CDH23: variants seen among roughly 807,000 people sequenced by gnomAD.
CDH23 encodes cadherin-23.
CDH23 carries 189 observed loss-of-function variants against 317.1 expected under a neutral mutation model. The observed-to-expected ratio is 0.60, with a 90% CI of 0.53 to 0.67. The LOEUF (loss-of-function observed/expected upper bound fraction) is 0.67. CDH23 is among the 30% of genes least tolerant of loss of function. The pLI is 0.00. For synonymous variants in CDH23, 1,839 were observed against 1,876.8 expected (o/e 0.98, Z 0.52); for missense variants, 4,401 against 4,592.4 (o/e 0.96, Z 1.20).
intron 7 of CDH23, among the ~76,000 whole-genome samples, chr10:71,570,096 T>G (rs1048112159): frequency 2.6e-5 from 4 of 152,068 alleles, no homozygotes; most frequent in Non-Finnish European, 5.9e-5. Context: ...GTTTAAATAT[T>G]GCTTGCCTGG....
At chr10:71,697,148 G>C (rs1016714777) in intron 22 of CDH23, among the ~76,000 whole-genome samples, 3 of 152,232 alleles carry the variant, frequency 2.0e-5, no homozygotes, top group Non-Finnish European at 4.4e-5. Flanking sequence ...CAAGGCGTGG[G>C]TGTGCCAGGT....
chr10:71,446,893 C>A (rs1022217033), intron 3 of CDH23, among the ~76,000 whole-genome samples: 3 of 152,224 alleles, frequency 2.0e-5, no homozygotes, highest in African/African-American at 4.8e-5. Flanking sequence ...CCTCCTACAT[C>A]TGTGGCCCCA....
chr10:71,463,747 C>A (rs74144988), intron 3 of CDH23, among the ~76,000 whole-genome samples: 3,335 of 152,310 alleles, frequency 0.022, 127 homozygotes, highest in African/African-American at 0.076. Flanking sequence ...CATGGTAGAA[C>A]TTCACCTGTT....
intron 38 of CDH23, among the ~76,000 whole-genome samples, chr10:71,770,977 G>C (rs1840671227): frequency 6.6e-6 from 1 of 152,184 alleles, no homozygotes; most frequent in African/African-American, 2.4e-5. Flanking sequence ...CCTAAGAGCT[G>C]ACCATTGCTG....
intron 6 of CDH23, among the ~76,000 whole-genome samples, chr10:71,561,842 AG>A (rs1857147394): frequency 2.7e-5 from 4 of 145,610 alleles, no homozygotes; most frequent in Admixed American, 2.7e-4. Flanking sequence ...GGGACTGGGC[AG>A]GGGGGTACCA....
At chr10:71,759,727 G>C (rs563351580) in intron 38 of CDH23, among the ~76,000 whole-genome samples, 2 of 151,210 alleles carry the variant, frequency 1.3e-5, no homozygotes, top group Admixed American at 1.3e-4. Context: ...CAGAAGAATC[G>C]CTTGAATCCG....
At chr10:71,801,849 C>T (rs954244630) in intron 53 of CDH23, among the ~76,000 whole-genome samples, 2 of 152,190 alleles carry the variant, frequency 1.3e-5, no homozygotes, top group African/African-American at 4.8e-5. Flanking sequence ...AAAAACACAG[C>T]ATTTGGGGCC....
At chr10:71,634,345 G>A (rs1239936856) in intron 11 of CDH23, among the ~76,000 whole-genome samples, 4 of 152,342 alleles carry the variant, frequency 2.6e-5, no homozygotes, top group African/African-American at 7.2e-5. Flanking sequence ...ACTCTTCTCC[G>A]TGCATCTCTG....
chr10:71,651,966 G>A (rs186231025), intron 14 of CDH23, among the ~76,000 whole-genome samples: 210 of 152,314 alleles, frequency 1.4e-3, no homozygotes, highest in African/African-American at 4.8e-3. Flanking sequence ...CCCCCCTGGC[G>A]CAGGGCTTAC....
chr10:71,649,770 T>C (rs984313198), intron 14 of CDH23, among the ~76,000 whole-genome samples: 1 of 152,190 alleles, frequency 6.6e-6, no homozygotes, highest in Non-Finnish European at 1.5e-5. Context: ...AAAAAAATGT[T>C]GTATGCAAAT....
At chr10:71,809,145 G>A (rs1167359167) in intron 60 of CDH23, among the ~76,000 whole-genome samples, 1 of 144,294 alleles carries the variant, frequency 6.9e-6, no homozygotes, top group Non-Finnish European at 1.5e-5. Context: ...TCTCTTCTAT[G>A]GGTTTTGTTG....
chr10:71,642,170 C>T (rs542008410), intron 11 of CDH23, among the ~76,000 whole-genome samples: 18 of 152,150 alleles, frequency 1.2e-4, no homozygotes, highest in Non-Finnish European at 2.2e-4. Context: ...GGGCAACCTC[C>T]TCTGCTTGTC....
In CDH23 at chr10:71,807,725, A is replaced by G; in HGVS notation, c.8518A>G (p.Asn2840Asp). Reference protein sequence around the residue: ...QEVRVVLEDINDQPPRFTKAE... With the variant: ...QEVRVVLEDIDDQPPRFTKAE... ...GGTGCGCGTTGTGCTAGAGGACATC[A>G]ACGACCAGCCACCACGCTTCACCAA... The change falls in exon 59 of 70, where the codon AAC (asparagine) becomes GAC (aspartate). Residue 2840 changes from asparagine (N) to aspartate (D), a missense_variant. Coordinates refer to ENST00000224721, the MANE Select transcript of CDH23 (RefSeq NM_022124.6). The G allele has an allele frequency of 6.2e-7, 1 of 1,610,038 alleles. No individual in the cohort carries two copies. The highest frequency in any genetic ancestry group is 8.5e-7 in the Non-Finnish European group (1 of 1,178,124).
intron 6 of CDH23, among the ~76,000 whole-genome samples, chr10:71,541,683 A>T (rs1346075456): frequency 6.6e-6 from 1 of 152,218 alleles, no homozygotes; most frequent in African/African-American, 2.4e-5. Flanking sequence ...GTCTTACATC[A>T]GAGGTCAGCA....
At chr10:71,805,337 C>A (rs1841679213) in intron 55 of CDH23, among the ~76,000 whole-genome samples, 1 of 152,228 alleles carries the variant, frequency 6.6e-6, no homozygotes, top group Non-Finnish European at 1.5e-5. Flanking sequence ...GTGTCCCCCC[C>A]ATTTTCAGGT....
At chr10:71,499,588 C>G (rs1369772730) in intron 3 of CDH23, among the ~76,000 whole-genome samples, 1 of 150,028 alleles carries the variant, frequency 6.7e-6, no homozygotes, top group Non-Finnish European at 1.5e-5. Flanking sequence ...GCCTGTAATC[C>G]CAGCACTTTG....
intron 38 of CDH23, among the ~76,000 whole-genome samples, chr10:71,752,348 A>T (rs1044242982): frequency 4.6e-5 from 7 of 152,206 alleles, no homozygotes; most frequent in African/African-American, 1.4e-4. Context: ...TGCAAGCAGG[A>T]CTTCCTTCAA....
At chr10:71,565,972 TTC>T (rs1857373877) in intron 6 of CDH23, among the ~76,000 whole-genome samples, 1 of 152,100 alleles carries the variant, frequency 6.6e-6, no homozygotes, top group Admixed American at 6.5e-5. Context: ...GAAAAGCACA[TTC>T]AGACAGCCAG....
chr10:71,655,591 T>A lies in CDH23; in HGVS notation c.1449+8974T>A, dbSNP rs776530794. ...GTCTGTGGCTGTTCCCACCCCTGTA[T>A]GAGGGCTCGCTGGCAAGTGTTCCTT... is the stretch of plus-strand genomic sequence containing the variant. On this transcript the variant is annotated intron_variant, in intron 14 of 69. Coordinates refer to ENST00000224721, the MANE Select transcript of CDH23 (RefSeq NM_022124.6). 1.1e-3 allele frequency among the ~76,000 whole-genome samples: 163 copies of A among 152,194 alleles called. 1 individual carries two copies. The highest frequency in any genetic ancestry group is 1.9e-3 in the Non-Finnish European group (127 of 68,000).
Sources: allele counts gnomAD v4.1 joint callset (sites outside exome capture counted in the v4.1 genomes callset), GRCh38; gene constraint gnomAD v4.1.1; transcripts MANE v1.5; gene names NCBI Gene and HGNC (gene_info 2026-07-23, HGNC 2026-07-21).